Variants in ANKS1B observed in about 807,000 individuals in gnomAD.
The protein encoded by ANKS1B is ankyrin repeat and sterile alpha motif domain-containing protein 1B.
A neutral mutation model predicts 148.3 loss-of-function variants in ANKS1B; 36 were observed. That is an observed-to-expected ratio of 0.24 (90% CI 0.19 to 0.32). The LOEUF (loss-of-function observed/expected upper bound fraction) is 0.32. ANKS1B is among the 10% of genes least tolerant of loss of function. ANKS1B has a pLI of 1.00. For synonymous variants in ANKS1B, 542 were observed against 560.8 expected (o/e 0.97, Z 0.47); for missense variants, 1,157 against 1,542.6 (o/e 0.75, Z 4.19).
chr12:99,159,071 T>A (rs1352439811), intron 14 of ANKS1B, among the ~76,000 whole-genome samples: 1 of 151,890 alleles, frequency 6.6e-6, no homozygotes, highest in Non-Finnish European at 1.5e-5. Flanking sequence ...AGGGTAGAGG[T>A]TCCATGCCCA....
chr12:98,943,299 C>A (rs570608939), intron 17 of ANKS1B, among the ~76,000 whole-genome samples: 1 of 152,178 alleles, frequency 6.6e-6, no homozygotes, highest in African/African-American at 2.4e-5. Flanking sequence ...TATTTCAGTA[C>A]CTTTGTATTT....
At chr12:99,783,928 C>T (rs974304969) in intron 4 of ANKS1B, among the ~76,000 whole-genome samples, 3 of 152,006 alleles carry the variant, frequency 2.0e-5, no homozygotes, top group Non-Finnish European at 4.4e-5. Flanking sequence ...GATAGATATG[C>T]TAATTACCCT....
chr12:99,221,790 C>T (rs2085165180), intron 14 of ANKS1B, among the ~76,000 whole-genome samples: 1 of 152,122 alleles, frequency 6.6e-6, no homozygotes, highest in African/African-American at 2.4e-5. Flanking sequence ...AAAGTACAAA[C>T]ATCCCTGAAC....
chr12:99,824,730 A>G (rs1414084824), intron 2 of ANKS1B, among the ~76,000 whole-genome samples: 2 of 152,186 alleles, frequency 1.3e-5, no homozygotes, highest in Non-Finnish European at 2.9e-5. Context: ...TGTTACGGCT[A>G]CACACTCTTG....
intron 9 of ANKS1B, among the ~76,000 whole-genome samples, chr12:99,618,496 G>A (rs1442406517): frequency 6.6e-6 from 1 of 152,036 alleles, no homozygotes; most frequent in Admixed American, 6.6e-5. Flanking sequence ...CTCAGCATTC[G>A]TGAAGGACAC....
intron 12 of ANKS1B, among the ~76,000 whole-genome samples, chr12:99,274,671 A>G (rs925932604): frequency 6.6e-5 from 10 of 152,206 alleles, no homozygotes; most frequent in Non-Finnish European, 1.3e-4. Context: ...ACTTGGTTCA[A>G]AACCTACACC....
At position 99,364,430 on chromosome 12, in the gene ANKS1B, T is replaced by C. The variant is rs148386173; in HGVS notation, c.1756+35201A>G. 5.3e-5 allele frequency among the ~76,000 whole-genome samples: 8 copies of C among 152,330 alleles called. 1 individual carries two copies. Among genetic ancestry groups the C allele is most frequent in the African/African-American group, 1.7e-4 (7 of 41,576 alleles). On this transcript the variant is annotated intron_variant, in intron 12 of 26. Coordinates refer to ENST00000683438, the MANE Select transcript of ANKS1B (RefSeq NM_001352186.2). ...TGCCTAACTACTTCCGCATCTCCCA[T>C]CTGAGAAAAATGTAGCAATGCTATT...
rs1443756188 is a variant in ANKS1B, at chr12:98,744,203, A to G, written c.*1536T>C. 2 of 972,550 alleles carry G rather than the reference A, an allele frequency of 2.1e-6. No homozygotes were observed. The highest frequency in any genetic ancestry group is 3.5e-5 in the African/African-American group (2 of 56,940). The allele number at this position is 972,550 out of a possible 1,614,324, so 60.2% of individuals were successfully genotyped here. ...TATCAACAGTGAATAGGCAAAATAT[A>G]TACAAGGAACTGTTCAGTTCAAGTA... On this transcript the variant is annotated 3_prime_UTR_variant, in exon 27 of 27. Coordinates refer to ENST00000683438, the MANE Select transcript of ANKS1B (RefSeq NM_001352186.2).
intron 12 of ANKS1B, among the ~76,000 whole-genome samples, chr12:99,325,074 A>G (rs1334191276): frequency 2.6e-5 from 4 of 152,200 alleles, no homozygotes; most frequent in Non-Finnish European, 4.4e-5. Flanking sequence ...GATGGACTGT[A>G]TACACGATGG....
chr12:99,567,678 G>A (rs1470276694), intron 9 of ANKS1B, among the ~76,000 whole-genome samples: 4 of 152,134 alleles, frequency 2.6e-5, no homozygotes, highest in Admixed American at 2.6e-4. Flanking sequence ...ATCTCCATCA[G>A]CCACTTGGAG....
intron 10 of ANKS1B, among the ~76,000 whole-genome samples, chr12:99,477,992 T>C (rs1447640068): frequency 1.3e-5 from 2 of 152,118 alleles, no homozygotes; most frequent in East Asian, 3.8e-4. Flanking sequence ...AGACAAAGAA[T>C]AAATCACAAT....
At chr12:99,606,306 A>C (rs1318053575) in intron 9 of ANKS1B, among the ~76,000 whole-genome samples, 2 of 152,006 alleles carry the variant, frequency 1.3e-5, no homozygotes, top group East Asian at 3.8e-4. Flanking sequence ...ATTTTTTAAC[A>C]AAAATGTGTT....
At chr12:99,481,081 G>A (rs1048614954) in intron 10 of ANKS1B, among the ~76,000 whole-genome samples, 4 of 151,024 alleles carry the variant, frequency 2.6e-5, no homozygotes, top group African/African-American at 9.7e-5. Flanking sequence ...TATGTTACAC[G>A]CATGAATTAT....
intron 19 of ANKS1B, among the ~76,000 whole-genome samples, chr12:98,812,968 G>T (rs1315290415): frequency 6.6e-6 from 1 of 152,174 alleles, no homozygotes; most frequent in Admixed American, 6.5e-5. Context: ...TGTAACTGCT[G>T]CATTCATAAT....
At chr12:99,095,605 T>A (rs2055777591) in intron 15 of ANKS1B, among the ~76,000 whole-genome samples, 1 of 152,234 alleles carries the variant, frequency 6.6e-6, no homozygotes, top group Non-Finnish European at 1.5e-5. Flanking sequence ...ATCTTTTGCA[T>A]CTAAGTTGCT....
At position 99,109,406 on chromosome 12, in the gene ANKS1B, A is replaced by C. The variant is rs569562199; in HGVS notation, c.2527-24383T>G. On this transcript the variant is annotated intron_variant, in intron 15 of 26. Transcript: ENST00000683438. Reference sequence around the variant, plus strand: ...TGAGCTAGATGCAGCAGAGTATGGCAGAACAGGACATGGGCTTTGGAGACA... The same window carrying C: ...TGAGCTAGATGCAGCAGAGTATGGCCGAACAGGACATGGGCTTTGGAGACA... 1.5e-3 allele frequency among the ~76,000 whole-genome samples: 226 copies of C among 152,280 alleles called. 1 individual carries two copies. Among genetic ancestry groups the C allele is most frequent in the African/African-American group, 5.3e-3 (220 of 41,570 alleles).
intron 8 of ANKS1B, among the ~76,000 whole-genome samples, chr12:99,673,865 A>G (rs1206396397): frequency 6.6e-6 from 1 of 151,700 alleles, no homozygotes; most frequent in Admixed American, 6.6e-5. Flanking sequence ...AAACAATTAC[A>G]TATTTATAGA....
chr12:99,434,970 GA>G (rs1176552239), intron 11 of ANKS1B, among the ~76,000 whole-genome samples: 3 of 151,880 alleles, frequency 2.0e-5, no homozygotes, highest in East Asian at 1.9e-4. Flanking sequence ...TCATGTTTAG[GA>G]AAAAAGATGA....
chr12:99,748,468 T>C (rs1036084224), intron 8 of ANKS1B, among the ~76,000 whole-genome samples: 3 of 152,000 alleles, frequency 2.0e-5, no homozygotes, highest in African/African-American at 7.2e-5. Context: ...TCTTTCCAAT[T>C]TTGCAGCATA....
Sources: allele counts gnomAD v4.1 joint callset (sites outside exome capture counted in the v4.1 genomes callset), GRCh38; gene constraint gnomAD v4.1.1; transcripts MANE v1.5; gene names NCBI Gene and HGNC (gene_info 2026-07-23, HGNC 2026-07-21).